Variants in PAK5 observed in about 807,000 individuals in gnomAD.
The protein encoded by PAK5 is serine/threonine-protein kinase PAK 5.
A neutral mutation model predicts 65.9 loss-of-function variants in PAK5; 16 were observed. The observed-to-expected ratio is 0.24, with a 90% CI of 0.16 to 0.37. The LOEUF is 0.37. Among genes scored for constraint, PAK5 ranks in the 10% least tolerant of loss-of-function variants. PAK5 has a pLI of 1.00. For synonymous variants in PAK5, 371 were observed against 354.9 expected (o/e 1.05, Z -0.51); for missense variants, 785 against 903.9 (o/e 0.87, Z 1.69).
chr20:9,659,116 A>G (rs570645979), intron 2 of PAK5, among the ~76,000 whole-genome samples: 14 of 152,202 alleles, frequency 9.2e-5, no homozygotes, highest in Non-Finnish European at 1.8e-4. Context: ...TTCTCAGGTG[A>G]TTGAAAATTG....
intron 1 of PAK5, among the ~76,000 whole-genome samples, chr20:9,809,973 G>A (rs1267538518): frequency 5.9e-5 from 9 of 152,142 alleles, no homozygotes; most frequent in Middle Eastern, 3.4e-3. Context: ...TTTTCCTAAC[G>A]CCGAAGCTCT....
chr20:9,542,000 C>T (rs1158135655), intron 9 of PAK5, among the ~76,000 whole-genome samples: 3 of 152,124 alleles, frequency 2.0e-5, no homozygotes, highest in Non-Finnish European at 4.4e-5. Flanking sequence ...GTTAATTAAA[C>T]CTTCTTTATT....
chr20:9,776,834 C>T (rs2048892128), intron 1 of PAK5, among the ~76,000 whole-genome samples: 6 of 152,166 alleles, frequency 3.9e-5, no homozygotes, highest in African/African-American at 9.7e-5. Flanking sequence ...CAGAGACACC[C>T]AGCTAAGTTG....
chr20:9,554,975 AC>A (rs2045484625), intron 7 of PAK5, among the ~76,000 whole-genome samples: 1 of 152,166 alleles, frequency 6.6e-6, no homozygotes, highest in Admixed American at 6.5e-5. Context: ...AGTACCCATC[AC>A]TTCCATCACT....
At chr20:9,629,288 C>T (rs2046890838) in intron 3 of PAK5, among the ~76,000 whole-genome samples, 2 of 152,098 alleles carry the variant, frequency 1.3e-5, no homozygotes, top group Admixed American at 1.3e-4. Flanking sequence ...TGTTACATAG[C>T]AATAGAAAAC....
At chr20:9,688,673 A>C (rs975203030) in intron 2 of PAK5, among the ~76,000 whole-genome samples, 10 of 152,044 alleles carry the variant, frequency 6.6e-5, no homozygotes, top group African/African-American at 2.4e-4. Flanking sequence ...CTCACATAGC[A>C]TGAACACAGG....
chr20:9,656,838 T>C (rs950414083), intron 2 of PAK5, among the ~76,000 whole-genome samples: 4 of 152,208 alleles, frequency 2.6e-5, no homozygotes, highest in African/African-American at 9.7e-5. Flanking sequence ...AAATAAAATG[T>C]TAAGAGAGAT....
At chr20:9,790,271 G>T (rs980489226) in intron 1 of PAK5, among the ~76,000 whole-genome samples, 1 of 152,024 alleles carries the variant, frequency 6.6e-6, no homozygotes, top group African/African-American at 2.4e-5. Context: ...CATAATTAAG[G>T]TATAGCATCT....
Position 9,542,672 on chromosome 20 carries a change from C to G in PAK5, c.1918G>C (p.Glu640Gln), listed in dbSNP as rs1416163895. ...GGAGGCTCATTGAAGTAGGGGGGCT[C>G]GCCATCAATCATTTCTATCACCATG... ...GIMVIEMIDG[E>Q]PPYFNEPPLQ... Residue 640 changes from glutamate (E) to glutamine (Q), a missense_variant, in exon 9 of 10, where the codon GAG becomes CAG. Transcript: ENST00000353224. 1.9e-6 allele frequency: 3 copies of G among 1,613,814 alleles called. No homozygotes were observed. The highest frequency in any genetic ancestry group is 2.5e-6 in the Non-Finnish European group (3 of 1,179,866).
rs2123016759 is a variant in PAK5 at position 9,580,641 on chromosome 20, G to A, written c.494C>T (p.Ala165Val). ...DLDPYYRGSH[A>V]AKQNGHVMKM... ...CATTACGTGCCCATTTTGCTTGGCT[G>A]CGTGGCTGCCTCTATAATACGGATC... The change falls in exon 4 of 10, where the codon GCA becomes GTA. Residue 165 changes from alanine (A) to valine (V), a missense_variant. Around this residue, in one of 4 missense-constraint regions of PAK5, gnomAD observed 422 missense variants for 413.3 expected, o/e 1.02. Coordinates refer to ENST00000353224, the MANE Select transcript of PAK5 (RefSeq NM_177990.4). 1 of 1,614,070 alleles carries A rather than the reference G, an allele frequency of 6.2e-7. No individual in the cohort carries two copies. Among genetic ancestry groups the A allele is most frequent in the Non-Finnish European group, 8.5e-7 (1 of 1,180,008 alleles).
At chr20:9,617,770 T>C (rs1428872693) in intron 3 of PAK5, among the ~76,000 whole-genome samples, 1 of 151,940 alleles carries the variant, frequency 6.6e-6, no homozygotes, top group African/African-American at 2.4e-5. Context: ...TTAGCCAGGA[T>C]GGTCTCGATC....
chr20:9,605,193 G>C (rs1224034697), intron 3 of PAK5, among the ~76,000 whole-genome samples: 1 of 152,228 alleles, frequency 6.6e-6, no homozygotes. Flanking sequence ...ATTTATCCAA[G>C]AACTTCCTTT....
At chr20:9,546,247 C>A (rs1184673949) in intron 7 of PAK5, among the ~76,000 whole-genome samples, 1 of 152,140 alleles carries the variant, frequency 6.6e-6, no homozygotes, top group Non-Finnish European at 1.5e-5. Context: ...GCTGTGTGGG[C>A]TTTATCACAC....
chr20:9,671,713 T>C (rs1446034206), intron 2 of PAK5, among the ~76,000 whole-genome samples: 2 of 149,494 alleles, frequency 1.3e-5, no homozygotes, highest in Non-Finnish European at 3.0e-5. Context: ...AATCATGTCA[T>C]CTGCAAACAG....
intron 1 of PAK5, among the ~76,000 whole-genome samples, chr20:9,781,737 C>T (rs2048942578): frequency 6.6e-6 from 1 of 152,046 alleles, no homozygotes; most frequent in Non-Finnish European, 1.5e-5. Flanking sequence ...TCTCCCGTAC[C>T]AACATCCCAT....
intron 6 of PAK5, 95 bp from the exon 7 acceptor site, chr20:9,557,829 T>C: frequency 1.1e-6 from 1 of 901,368 alleles, no homozygotes; most frequent in Non-Finnish European, 1.7e-6. Flanking sequence ...AGTGAAACAG[T>C]CCACGTGCTC....
At chr20:9,695,864 CA>C (rs2047862263) in intron 2 of PAK5, among the ~76,000 whole-genome samples, 1 of 140,274 alleles carries the variant, frequency 7.1e-6, no homozygotes, top group Non-Finnish European at 1.6e-5. Flanking sequence ...AACCAACCCT[CA>C]GCATATACAT....
intron 3 of PAK5, among the ~76,000 whole-genome samples, chr20:9,595,649 T>C (rs1474659134): frequency 6.6e-6 from 1 of 152,176 alleles, no homozygotes; most frequent in Non-Finnish European, 1.5e-5. Context: ...AGACCACAGA[T>C]TTAACAAAAA....
chr20:9,696,529 G>A (rs1449700686), intron 2 of PAK5, among the ~76,000 whole-genome samples: 1 of 152,036 alleles, frequency 6.6e-6, no homozygotes, highest in East Asian at 1.9e-4. Context: ...TTCCAAATAG[G>A]ACTGCCCATG....
Sources: allele counts gnomAD v4.1 joint callset (sites outside exome capture counted in the v4.1 genomes callset), GRCh38; gene constraint gnomAD v4.1.1; regional missense constraint gnomAD v4.1.1; transcripts MANE v1.5; gene names NCBI Gene and HGNC (gene_info 2026-07-23, HGNC 2026-07-21).